The following MRC1 variants were observed in gnomAD, a reference collection of about 807,000 sequenced individuals.
MRC1 encodes the protein macrophage mannose receptor 1.
MRC1 carries 62 observed loss-of-function variants against 102.9 expected under a neutral mutation model. That is an observed-to-expected ratio of 0.60 (90% CI 0.49 to 0.74). MRC1 has a LOEUF of 0.74. Among genes scored for constraint, MRC1 ranks in the 30% least tolerant of loss-of-function variants. The pLI, the probability that MRC1 is intolerant of heterozygous loss-of-function variation, is 0.00. For missense variants in MRC1, 1,237 were observed against 862.8 expected (o/e 1.43, Z -5.43); for synonymous variants, 457 against 298.4 (o/e 1.53, Z -5.48).
At chr10:17,902,541 C>T (rs2130719613) in intron 26 of MRC1, among the ~76,000 whole-genome samples, 1 of 152,222 alleles carries the variant, frequency 6.6e-6, no homozygotes, top group Admixed American at 6.5e-5. Context: ...CTCAAATAGA[C>T]ACCACAAAGA....
chr10:17,874,588 C>T (rs1300979871), intron 16 of MRC1, among the ~76,000 whole-genome samples: 1 of 152,138 alleles, frequency 6.6e-6, no homozygotes, highest in Admixed American at 6.6e-5. Context: ...TACTGTAGCA[C>T]GGAAGTATGG....
chr10:17,899,453 G>A (rs1833800051), intron 24 of MRC1, among the ~76,000 whole-genome samples: 2 of 152,098 alleles, frequency 1.3e-5, no homozygotes, highest in Non-Finnish European at 2.9e-5. Context: ...GACTACAACA[G>A]TATTATTATC....
intron 18 of MRC1, among the ~76,000 whole-genome samples, 167 bp downstream of exon 18, chr10:17,878,134 T>C (rs1833462413): frequency 6.6e-6 from 1 of 152,216 alleles, no homozygotes; most frequent in Admixed American, 6.5e-5. Flanking sequence ...CTATTAAATA[T>C]TTTCAGCACT....
Position 17,900,670 on chromosome 10 carries a change from G to A in MRC1, c.3484-118G>A, listed in dbSNP as rs1049748862. ...TATAGTGTTCTTTTTATTCTCAAAT[G>A]TTCCAGGTTCTATGTCAAATCATGG... On this transcript the variant is annotated intron_variant, in intron 24 of 29. Transcript: ENST00000569591. The A allele has an allele frequency of 3.2e-4, 241 of 753,248 alleles. No homozygotes were observed. The African/African-American group carries it at 3.6e-3, about 11-fold the overall frequency. The allele number at this position is 753,248 out of a possible 1,614,324, so 46.7% of individuals were successfully genotyped here. A position where few individuals can be genotyped will look rare whatever the true frequency, so the allele number is the denominator to read the frequency against.
intron 26 of MRC1, among the ~76,000 whole-genome samples, chr10:17,904,564 T>C (rs1564627404): frequency 6.6e-6 from 1 of 152,320 alleles, no homozygotes; most frequent in South Asian, 2.1e-4. Context: ...TATCGTGATG[T>C]GTATACATGT....
rs1355809952 is a variant in MRC1 at position 17,888,845 on chromosome 10, A to T, written c.3147+3410A>T. Reference sequence around the variant, plus strand: ...GATTTTTTGCCTGCTGGATCTGTCTATTTTTGATAGAAGAGTATTGAAGTC... The same window carrying T: ...GATTTTTTGCCTGCTGGATCTGTCTTTTTTTGATAGAAGAGTATTGAAGTC... On this transcript the variant is annotated intron_variant, in intron 22 of 29. Transcript: ENST00000569591. 2.0e-5 allele frequency among the ~76,000 whole-genome samples: 3 copies of T among 152,144 alleles called. No individual in the cohort carries two copies. The East Asian group carries it at 5.8e-4, about 29-fold the overall frequency.
chr10:17,851,827 C>T (rs1838922060), intron 7 of MRC1, among the ~76,000 whole-genome samples: 3 of 152,336 alleles, frequency 2.0e-5, no homozygotes, highest in South Asian at 2.1e-4. Context: ...CCAGTGCTGG[C>T]GCCAGGCCAG....
At chr10:17,827,135 CTA>C (rs1838488274) in intron 2 of MRC1, among the ~76,000 whole-genome samples, 1 of 151,868 alleles carries the variant, frequency 6.6e-6, no homozygotes, top group South Asian at 2.1e-4. Flanking sequence ...TGAAGTGGTA[CTA>C]TGAGTTATTA....
chr10:17,881,062 C>T lies in MRC1; in HGVS notation c.2866-5C>T. On this transcript the variant is annotated splice_polypyrimidine_tract_variant and splice_region_variant and intron_variant, in intron 20 of 29. Coordinates refer to ENST00000569591, the MANE Select transcript of MRC1 (RefSeq NM_002438.4). ...CTTTTTTTCTCTGCCCCTCTTCCAT[C>T]CCAGTGTTTCAAAATCTTTGGATTT... 4 of 780,584 alleles carry T rather than the reference C, an allele frequency of 5.1e-6. No homozygotes were observed. The South Asian group carries it at 5.4e-5, about 10-fold the overall frequency. 48.4% of individuals were successfully genotyped at this position (780,584 alleles called of 1,614,324 possible). A position where few individuals can be genotyped will look rare whatever the true frequency, so the allele number is the denominator to read the frequency against.
chr10:17,871,399 C>G (rs1020182656), intron 14 of MRC1, among the ~76,000 whole-genome samples: 9 of 152,206 alleles, frequency 5.9e-5, no homozygotes, highest in African/African-American at 2.2e-4. Context: ...AACACATCAC[C>G]GTGCTTAGTC....
intron 24 of MRC1, among the ~76,000 whole-genome samples, chr10:17,898,801 A>G (rs1833789862): frequency 6.6e-6 from 1 of 152,186 alleles, no homozygotes; most frequent in Admixed American, 6.5e-5. Flanking sequence ...GCAGAAAACT[A>G]AGAATGCTGA....
At chr10:17,888,773 A>C (rs1833635284) in intron 22 of MRC1, among the ~76,000 whole-genome samples, 1 of 152,222 alleles carries the variant, frequency 6.6e-6, no homozygotes, top group Non-Finnish European at 1.5e-5. Context: ...GATGTCAATG[A>C]GATCTGGTTG....
chr10:17,855,039 G>C (rs1360349810), intron 8 of MRC1, among the ~76,000 whole-genome samples: 1 of 152,166 alleles, frequency 6.6e-6, no homozygotes, highest in Admixed American at 6.5e-5. Context: ...AAGGAAAGGA[G>C]AGGTCCTTTT....
intron 7 of MRC1, among the ~76,000 whole-genome samples, chr10:17,851,790 C>T (rs1458818899): frequency 6.6e-6 from 1 of 152,234 alleles, no homozygotes; most frequent in African/African-American, 2.4e-5. Flanking sequence ...CAGTGTCATT[C>T]ATTCTCCACG....
At chr10:17,832,382 C>T (rs893632926) in intron 3 of MRC1, among the ~76,000 whole-genome samples, 1 of 150,554 alleles carries the variant, frequency 6.6e-6, no homozygotes, top group Admixed American at 6.6e-5. Context: ...CCTTGAAACC[C>T]CGTCTCTACT....
chr10:17,814,367 T>G (rs1838273550), intron 1 of MRC1, among the ~76,000 whole-genome samples: 1 of 152,192 alleles, frequency 6.6e-6, no homozygotes, highest in East Asian at 1.9e-4. Context: ...ACTTTTCACT[T>G]CAAGAGGGGG....
Position 17,870,130 on chromosome 10 carries a change from T to C in MRC1, c.1984-116T>C, listed in dbSNP as rs891800070. 49 of 691,726 alleles carry C rather than the reference T, an allele frequency of 7.1e-5. 1 individual carries two copies. The East Asian group carries it at 1.0e-3, about 14-fold the overall frequency. The allele number at this position is 691,726 out of a possible 1,614,324, so 42.8% of individuals were successfully genotyped here. A position where few individuals can be genotyped will look rare whatever the true frequency, so the allele number is the denominator to read the frequency against. On this transcript the variant is annotated intron_variant, in intron 12 of 29. Coordinates refer to ENST00000569591, the MANE Select transcript of MRC1 (RefSeq NM_002438.4). ...AGCAAAAGAATTACATTGTTTTGAGTCATTACACTGTTTTGTTTTTCTGTA... is the reference window on the plus strand; with the variant it reads ...AGCAAAAGAATTACATTGTTTTGAGCCATTACACTGTTTTGTTTTTCTGTA...
intron 2 of MRC1, among the ~76,000 whole-genome samples, chr10:17,825,075 C>A (rs939601722): frequency 6.6e-6 from 1 of 152,012 alleles, no homozygotes; most frequent in African/African-American, 2.4e-5. Context: ...ATTTTGCATA[C>A]TCCCCAAAGA....
chr10:17,851,904 G>C (rs941317598), intron 7 of MRC1, among the ~76,000 whole-genome samples: 5 of 152,222 alleles, frequency 3.3e-5, no homozygotes, highest in Non-Finnish European at 5.9e-5. Flanking sequence ...ACCGCTTAGG[G>C]AGAATCTTAT....
Sources: gnomAD v4.1 joint callset for allele counts (sites outside exome capture counted in the v4.1 genomes callset) on GRCh38, gnomAD v4.1.1 for gene constraint, MANE v1.5 for transcripts, NCBI Gene and HGNC (gene_info 2026-07-23, HGNC 2026-07-21) for gene names.